Variants in PRKN observed in about 807,000 individuals in gnomAD.
PRKN encodes parkin RBR E3 ubiquitin protein ligase, also known as E3 ubiquitin-protein ligase parkin.
Under a neutral mutation model 59.5 loss-of-function variants are expected in PRKN, and 56 were observed. The observed-to-expected ratio is 0.94, with a 90% CI of 0.76 to 1.18. PRKN has a LOEUF of 1.18. Ranked by LOEUF, PRKN falls within the 50% of genes most tolerant of loss-of-function variation. The pLI, the probability that PRKN is intolerant of heterozygous loss-of-function variation, is 0.00. For synonymous variants in PRKN, 250 were observed against 222.1 expected, an observed-to-expected ratio of 1.13 and a Z score of -1.12; for missense variants, 657 against 596.4, an observed-to-expected ratio of 1.10 and a Z score of -1.06.
At chr6:162,284,422 C>G (rs964549102) in intron 2 of PRKN, among the ~76,000 whole-genome samples, 7 of 151,982 alleles carry the variant, frequency 4.6e-5, no homozygotes, top group African/African-American at 1.4e-4. Flanking sequence ...CCAGGTTTCT[C>G]CATGTTGGTC....
At chr6:162,301,210 A>G (rs1781934549) in intron 2 of PRKN, among the ~76,000 whole-genome samples, 1 of 152,102 alleles carries the variant, frequency 6.6e-6, no homozygotes. Flanking sequence ...GCGCTTTGGG[A>G]GCTAAAGAGG....
rs550064167 is a variant in PRKN, at chr6:161,475,404, T to A, written c.1083+73450A>T. On this transcript the variant is annotated intron_variant, in intron 9 of 11. Coordinates refer to ENST00000366898, the MANE Select transcript of PRKN (RefSeq NM_004562.3). This position sits in a 1 kb window ranked among gnomAD's most constrained non-coding sequence, Gnocchi z 5.3. ...TCATGCATGGTTTATTGTTCCCAGG[T>A]AAACTCAGCAAAAATGTTCTTTGCA... Among the ~76,000 whole-genome samples the A allele has an allele frequency of 1.3e-5, 2 of 152,350 alleles. No individual in the cohort carries two copies. The highest frequency in any genetic ancestry group is 4.8e-5 in the African/African-American group (2 of 41,590).
intron 10 of PRKN, among the ~76,000 whole-genome samples, chr6:161,364,168 C>CAAAAAA (rs71004043): frequency 1.3e-5 from 1 of 74,416 alleles, no homozygotes; most frequent in Admixed American, 1.6e-4. Flanking sequence ...GACTCCGTCT[C>CAAAAAA]AAAAAAAAAA....
intron 9 of PRKN, among the ~76,000 whole-genome samples, chr6:161,500,876 CTTTTTTTTTTTT>C (rs34247928): frequency 1.7e-5 from 2 of 115,402 alleles, no homozygotes; most frequent in Non-Finnish European, 3.4e-5. Context: ...TTTTTTTTTT[CTTTTTTTTTTTT>C]TTTTTGAGAC....
chr6:162,511,184 T>C (rs1777599968), intron 1 of PRKN, among the ~76,000 whole-genome samples: 1 of 152,162 alleles, frequency 6.6e-6, no homozygotes. Flanking sequence ...TCTTTGTGTC[T>C]GCCTAATTTA....
intron 9 of PRKN, among the ~76,000 whole-genome samples, chr6:161,476,120 G>A (rs1258419558): frequency 6.6e-6 from 1 of 151,606 alleles, no homozygotes; most frequent in African/African-American, 2.4e-5. Context: ...CCGGGAGGCG[G>A]AGCTTGCAGT....
intron 1 of PRKN, among the ~76,000 whole-genome samples, chr6:162,723,657 C>A (rs1779020199): frequency 6.6e-6 from 1 of 152,176 alleles, no homozygotes; most frequent in African/African-American, 2.4e-5. Flanking sequence ...TTTTGAAATA[C>A]CTAGGAAAAT....
At chr6:161,946,365 C>A (rs563210187) in intron 6 of PRKN, among the ~76,000 whole-genome samples, 43 of 144,302 alleles carry the variant, frequency 3.0e-4, no homozygotes, top group African/African-American at 9.6e-4. Flanking sequence ...AAATACGGTT[C>A]TTTACCAAAT....
intron 8 of PRKN, among the ~76,000 whole-genome samples, chr6:161,564,206 G>C (rs761317692): frequency 6.6e-6 from 1 of 152,126 alleles, no homozygotes; most frequent in Non-Finnish European, 1.5e-5. Flanking sequence ...GCTTCCTCTC[G>C]GGAGCCTCAT....
At chr6:161,469,208 C>A (rs1790639943) in intron 9 of PRKN, among the ~76,000 whole-genome samples, 1 of 152,078 alleles carries the variant, frequency 6.6e-6, no homozygotes, top group Non-Finnish European at 1.5e-5. Context: ...GGGTGGTATC[C>A]CCCAGGCTGT....
At chr6:162,630,212 A>G (rs1177311788) in intron 1 of PRKN, among the ~76,000 whole-genome samples, 2 of 152,182 alleles carry the variant, frequency 1.3e-5, no homozygotes, top group Non-Finnish European at 2.9e-5. Flanking sequence ...CTGAGTATAT[A>G]AAATAATTGG....
chr6:161,570,458 C>T (rs927679436), intron 7 of PRKN, among the ~76,000 whole-genome samples: 5 of 150,734 alleles, frequency 3.3e-5, no homozygotes, highest in African/African-American at 1.2e-4. Context: ...CAGATTTTTT[C>T]TTCTGCCTCT....
At chr6:162,131,124 A>G (rs547731152) in intron 4 of PRKN, among the ~76,000 whole-genome samples, 5 of 152,296 alleles carry the variant, frequency 3.3e-5, no homozygotes, top group African/African-American at 9.6e-5. Flanking sequence ...TCCCACCACC[A>G]TGACAGCCTT....
At chr6:162,704,661 T>TAA (rs1778275111) in intron 1 of PRKN, among the ~76,000 whole-genome samples, 2 of 152,146 alleles carry the variant, frequency 1.3e-5, no homozygotes, top group Admixed American at 1.3e-4. Flanking sequence ...TATTTGTGAA[T>TAA]AAAAATGTGT....
chr6:162,399,224 G>T (rs894231207), intron 2 of PRKN, among the ~76,000 whole-genome samples: 1 of 152,174 alleles, frequency 6.6e-6, no homozygotes, highest in East Asian at 1.9e-4. Flanking sequence ...CAGAGATATT[G>T]TCATGGAGAG....
chr6:162,553,401 T>C (rs1779407470), intron 1 of PRKN, among the ~76,000 whole-genome samples: 1 of 146,096 alleles, frequency 6.8e-6, no homozygotes, highest in Non-Finnish European at 1.5e-5. Flanking sequence ...GGAGGTCTTA[T>C]TAGAAGCAAG....
In PRKN at chr6:161,463,225, C is replaced by T. The variant is rs557884733; in HGVS notation, c.1084-76348G>A. Reference sequence around the variant, plus strand: ...ATTCAGCACGGCCTCTGGAAGGTGACTGCCAGGTCAGCTTCACTGTCAGCT... The same window carrying T: ...ATTCAGCACGGCCTCTGGAAGGTGATTGCCAGGTCAGCTTCACTGTCAGCT... On this transcript the variant is annotated intron_variant, in intron 9 of 11. Coordinates refer to ENST00000366898, the MANE Select transcript of PRKN (RefSeq NM_004562.3). The surrounding 1 kb of genome is among the most constrained non-coding windows in gnomAD (Gnocchi z 4.8). Among the ~76,000 whole-genome samples the T allele has an allele frequency of 1.4e-4, 21 of 152,264 alleles. No homozygotes were observed. In the South Asian group the frequency reaches 4.1e-3, roughly 30 times the overall value.
chr6:161,896,878 T>C (rs1354924012), intron 6 of PRKN, among the ~76,000 whole-genome samples: 1 of 152,196 alleles, frequency 6.6e-6, no homozygotes, highest in African/African-American at 2.4e-5. Flanking sequence ...TAATATAATA[T>C]TCAGAGGACA....
chr6:162,450,949 G>C (rs529377043), intron 1 of PRKN, among the ~76,000 whole-genome samples: 25 of 152,256 alleles, frequency 1.6e-4, no homozygotes, highest in South Asian at 1.5e-3. Flanking sequence ...TAGGGAAACT[G>C]GGTGTGGGGT....
Sources: gnomAD v4.1 joint callset for allele counts (sites outside exome capture counted in the v4.1 genomes callset) on GRCh38, gnomAD v4.1.1 for gene constraint, Gnocchi (gnomAD v3.1) non-coding constraint, MANE v1.5 for transcripts, NCBI Gene and HGNC (gene_info 2026-07-23, HGNC 2026-07-21) for gene names.